The following STEAP4 variants were observed in gnomAD, a reference collection of about 807,000 sequenced individuals.
The protein encoded by STEAP4 is STEAP4 metalloreductase, also known as metalloreductase STEAP4.
A neutral mutation model predicts 43.6 loss-of-function variants in STEAP4; 36 were observed. The ratio of observed to expected loss-of-function variants is 0.83; its 90% confidence interval spans 0.63 to 1.09. STEAP4 has a LOEUF of 1.09. STEAP4 is among the 50% of genes least tolerant of loss of function. STEAP4 has a pLI of 0.00. For missense variants in STEAP4, 495 were observed against 546.5 expected (o/e 0.91, Z 0.94); for synonymous variants, 191 against 196.7 (o/e 0.97, Z 0.24).
chr7:88,282,690 G>A lies in STEAP4; in HGVS notation c.935C>T (p.Pro312Leu). Residue 312 changes from proline (P) to leucine (L), a missense_variant, in exon 3 of 5, where the codon CCT becomes CTT. By Grantham distance (98) the Pro-to-Leu change is moderately conservative (BLOSUM62 -3). Coordinates refer to ENST00000380079, the MANE Select transcript of STEAP4 (RefSeq NM_024636.4). ...TCTCCATCGTACATAATATCGAATA[G>A]GAATCACAAGTGTGTAGAGGACATG... ...FLHVLYTLVI[P>L]IRYYVRWRLG... 1 of 1,614,070 alleles carries A rather than the reference G, an allele frequency of 6.2e-7. No individual in the cohort carries two copies. Among genetic ancestry groups the A allele is most frequent in the Non-Finnish European group, 8.5e-7 (1 of 1,180,012 alleles).
chr7:88,297,869 T>A (rs1852951649), intron 1 of STEAP4, among the ~76,000 whole-genome samples: 1 of 152,200 alleles, frequency 6.6e-6, no homozygotes, highest in Non-Finnish European at 1.5e-5. Flanking sequence ...TTTATACACC[T>A]AAACTGCCCA....
rs1040411969 is a variant in STEAP4, at chr7:88,273,082, A to G, written c.*6316T>C. ...TAGTGATCAGATCAGTGTAATTAGCATATCCATCATTGCAAACATTTATCA... is the reference window on the plus strand; with the variant it reads ...TAGTGATCAGATCAGTGTAATTAGCGTATCCATCATTGCAAACATTTATCA... On this transcript the variant is annotated 3_prime_UTR_variant, in exon 5 of 5. Transcript: ENST00000380079. 2 of 152,232 alleles carry G rather than the reference A, an allele frequency of 1.3e-5. No individual in the cohort carries two copies. The highest frequency in any genetic ancestry group is 2.9e-5 in the Non-Finnish European group (2 of 68,038). The allele number at this position is 152,232 out of a possible 1,614,324, so 9.4% of individuals were successfully genotyped here.
intron 1 of STEAP4, among the ~76,000 whole-genome samples, chr7:88,301,616 TG>T (rs1379584880): frequency 6.7e-6 from 1 of 149,844 alleles, no homozygotes; most frequent in Non-Finnish European, 1.5e-5. Context: ...TGGAGTGCGG[TG>T]GTGCCATCCT....
At chr7:88,290,247 A>T (rs748805942) in intron 1 of STEAP4, 8 of 152,164 alleles carry the variant, frequency 5.3e-5, no homozygotes, top group Non-Finnish European at 1.0e-4. Flanking sequence ...TTTTTAATGA[A>T]GATATTGACT....
chr7:88,280,438 C>A (rs1436034645), intron 4 of STEAP4, among the ~76,000 whole-genome samples: 2 of 152,148 alleles, frequency 1.3e-5, no homozygotes, highest in Admixed American at 6.5e-5. Flanking sequence ...CACTGGTCTA[C>A]AAGAATGTGT....
chr7:88,279,693 GCC>G, intron 4 of STEAP4, 65 bp from the exon 5 acceptor site: 3 of 1,305,232 alleles, frequency 2.3e-6, no homozygotes, highest in Non-Finnish European at 2.1e-6. Flanking sequence ...AACACTCTAA[GCC>G]AGTGACAGAT....
chr7:88,303,230 T>G (rs1853070437), intron 1 of STEAP4, among the ~76,000 whole-genome samples: 1 of 141,022 alleles, frequency 7.1e-6, no homozygotes, highest in Non-Finnish European at 1.5e-5. Flanking sequence ...GCGCGGTGGC[T>G]CACACCTGTA....
In STEAP4 at chr7:88,271,130, G is replaced by A. The variant is rs1852433861; in HGVS notation, c.*8268C>T. 1 of 152,032 alleles carries A rather than the reference G, an allele frequency of 6.6e-6. No homozygotes were observed. The highest frequency in any genetic ancestry group is 2.1e-4 in the South Asian group (1 of 4,818). 9.4% of individuals were successfully genotyped at this position (152,032 alleles called of 1,614,324 possible). ...ACTGTAGTCATCCTACAGAGCTATA[G>A]AACACTACAACTTAATCTTCCTATC... is the stretch of plus-strand genomic sequence containing the variant. On this transcript the variant is annotated 3_prime_UTR_variant, in exon 5 of 5. Transcript: ENST00000380079.
rs1852503952 is a variant in STEAP4, at chr7:88,275,687, G to A, written c.*3711C>T. The A allele has an allele frequency of 6.6e-6, 1 of 151,738 alleles. No individual in the cohort carries two copies. The highest frequency in any genetic ancestry group is 2.4e-5 in the African/African-American group (1 of 41,126). The allele number at this position is 151,738 out of a possible 1,614,324, so 9.4% of individuals were successfully genotyped here. A position where few individuals can be genotyped will look rare whatever the true frequency, so the allele number is the denominator to read the frequency against. Reference sequence around the variant, plus strand: ...GTTGTGATGATGGAGAATGAAAATTGCAACTACTGTGTGCAGTACCATGAC... The same window carrying A: ...GTTGTGATGATGGAGAATGAAAATTACAACTACTGTGTGCAGTACCATGAC... On this transcript the variant is annotated 3_prime_UTR_variant, in exon 5 of 5. Coordinates refer to ENST00000380079, the MANE Select transcript of STEAP4 (RefSeq NM_024636.4).
chr7:88,289,177 C>T (rs981781951), intron 1 of STEAP4, among the ~76,000 whole-genome samples: 5 of 151,706 alleles, frequency 3.3e-5, no homozygotes, highest in African/African-American at 9.7e-5. Flanking sequence ...TATAAATATT[C>T]GTTGAACTAT....
chr7:88,291,157 A>T (rs1009654867), intron 1 of STEAP4: 2 of 152,104 alleles, frequency 1.3e-5, no homozygotes, highest in African/African-American at 2.4e-5. Context: ...ATTATTATAA[A>T]TATATAAAAA....
At chr7:88,298,688 C>T (rs978042528) in intron 1 of STEAP4, among the ~76,000 whole-genome samples, 1 of 152,144 alleles carries the variant, frequency 6.6e-6, no homozygotes, top group Non-Finnish European at 1.5e-5. Context: ...CATGATAAAT[C>T]ATCAACTTGT....
At chr7:88,288,009 C>T (rs1852764621) in intron 1 of STEAP4, among the ~76,000 whole-genome samples, 1 of 152,144 alleles carries the variant, frequency 6.6e-6, no homozygotes, top group South Asian at 2.1e-4. Context: ...CAGATGGAGT[C>T]AGTTAGTTCT....
At chr7:88,303,271 G>A (rs1167400532) in intron 1 of STEAP4, among the ~76,000 whole-genome samples, 1 of 150,886 alleles carries the variant, frequency 6.6e-6, no homozygotes, top group Non-Finnish European at 1.5e-5. Context: ...CAAGGCGGAT[G>A]GATCACCTGA....
At chr7:88,282,508 A>C in intron 3 of STEAP4, 133 bp downstream of exon 3, 1 of 899,452 alleles carries the variant, frequency 1.1e-6, no homozygotes, top group East Asian at 2.7e-5. Flanking sequence ...AACTGACATG[A>C]CATTTCTAAT....
rs139169038 is a variant in STEAP4, at chr7:88,279,429, C to A, written c.1349G>T (p.Arg450Leu). ...PCVDNTLTRI[R>L]QGWERNSKH The stretch of plus-strand genomic sequence containing the variant: ...TTTTGAGTTCCTTTCCCAGCCCTGG[C>A]GGATCCTTGTAAGGGTGTTGTCTAC... The change falls in exon 5 of 5, where the codon CGC becomes CTC. Residue 450 changes from arginine to leucine, a missense_variant. Physicochemically the swap from Arg to Leu is moderately radical, Grantham distance 102 (BLOSUM62 -2). Transcript: ENST00000380079. 3 of 1,614,098 alleles carry A rather than the reference C, an allele frequency of 1.9e-6. No homozygotes were observed. Among genetic ancestry groups the A allele is most frequent in the Non-Finnish European group, 2.5e-6 (3 of 1,179,984 alleles).
In STEAP4 at chr7:88,283,068, G is replaced by C; in HGVS notation, c.557C>G (p.Ala186Gly). 1 of 1,613,266 alleles carries C rather than the reference G, an allele frequency of 6.2e-7. No individual in the cohort carries two copies. Among genetic ancestry groups the C allele is most frequent in the Non-Finnish European group, 8.5e-7 (1 of 1,179,638 alleles). ...TPMDQGSLMA[A>G]KEIEKYPLQL... The stretch of plus-strand genomic sequence containing the variant: ...CAGGGGGTACTTTTCAATTTCTTTG[G>C]CTGCCATGAGTGATCCTTGATCCAT... The change falls in exon 3 of 5, where the codon GCC (alanine) becomes GGC (glycine). Residue 186 changes from alanine to glycine, a missense_variant. Transcript: ENST00000380079.
chr7:88,279,797 T>C, intron 4 of STEAP4, 169 bp from the exon 5 acceptor site: 1 of 603,842 alleles, frequency 1.7e-6, no homozygotes, highest in East Asian at 2.8e-5. Flanking sequence ...TTCAGGATGG[T>C]AAATACTTCA....
chr7:88,296,613 G>T (rs79568818), intron 1 of STEAP4, among the ~76,000 whole-genome samples: 21,582 of 151,984 alleles, frequency 0.14, 1,823 homozygotes, highest in Non-Finnish European at 0.2. Context: ...AGGCAAAAGG[G>T]CAGGAGGGGG....
Sources: gnomAD v4.1 joint callset for allele counts (sites outside exome capture counted in the v4.1 genomes callset) on GRCh38, gnomAD v4.1.1 for gene constraint, MANE v1.5 for transcripts, NCBI Gene and HGNC (gene_info 2026-07-23, HGNC 2026-07-21) for gene names.